Variants in GPC3 observed in about 807,000 individuals in gnomAD.
GPC3 encodes the protein glypican-3.
GPC3 carries 3 observed loss-of-function variants against 34.4 expected under a neutral mutation model. The observed-to-expected ratio is 0.09, with a 90% CI of 0.04 to 0.23. The LOEUF (loss-of-function observed/expected upper bound fraction) is 0.23. GPC3 is among the 10% of genes least tolerant of loss of function. GPC3 has a pLI of 1.00. For synonymous variants in GPC3, 177 were observed against 174.0 expected (o/e 1.02, Z -0.13); for missense variants, 351 against 445.6 (o/e 0.79, Z 1.91).
At chrX:133,716,661 G>A (rs1268189094) in intron 3 of GPC3, among the ~76,000 whole-genome samples, 1 of 111,641 alleles carries the variant, frequency 9.0e-6, no homozygotes. Flanking sequence ...TAAGGAAAAT[G>A]AGTAGCACCT....
At chrX:133,635,230 T>C (rs1014843725) in intron 6 of GPC3, among the ~76,000 whole-genome samples, 64 of 111,688 alleles carry the variant, frequency 5.7e-4, no homozygotes, top group Non-Finnish European at 1.5e-4. Flanking sequence ...GTATACTAAC[T>C]CTTTTACCTA....
At chrX:133,809,248 T>C (rs758611766) in intron 2 of GPC3, among the ~76,000 whole-genome samples, 1 of 112,405 alleles carries the variant, frequency 8.9e-6, no homozygotes, top group Non-Finnish European at 1.9e-5. Context: ...TTCTAGGAAG[T>C]TCACTTACAA....
intron 2 of GPC3, among the ~76,000 whole-genome samples, chrX:133,906,794 G>A (rs1322285130): frequency 8.9e-6 from 1 of 112,000 alleles, no homozygotes; most frequent in East Asian, 2.8e-4. Context: ...ATTTTTAAAA[G>A]TTGGCCGGGC....
chrX:133,796,384 A>C lies in GPC3; in HGVS notation c.338-42208T>G, dbSNP rs775865642. On this transcript the variant is annotated intron_variant, in intron 2 of 7. Coordinates refer to ENST00000370818, the MANE Select transcript of GPC3 (RefSeq NM_004484.4). ...TTTCTACCATGTATGACAAATCCCT[A>C]AATGTGCCTGAAGAGAAATGTACTG... Among the ~76,000 whole-genome samples the C allele has an allele frequency of 2.7e-5, 3 of 112,575 alleles. No individual in the cohort carries two copies. In the South Asian group the frequency reaches 1.1e-3, roughly 42 times the overall value.
chrX:133,873,394 A>G (rs1194777952), intron 2 of GPC3, among the ~76,000 whole-genome samples: 3 of 112,155 alleles, frequency 2.7e-5, no homozygotes, highest in African/African-American at 9.7e-5. Context: ...CCCAATATAT[A>G]TATTCCACAT....
intron 2 of GPC3, among the ~76,000 whole-genome samples, chrX:133,861,812 C>T (rs2075937870): frequency 9.0e-6 from 1 of 111,336 alleles, no homozygotes; most frequent in Non-Finnish European, 1.9e-5. Context: ...CTTCACCTTC[C>T]ACCATGACTG....
At chrX:133,552,046 A>T (rs1321221917) in intron 7 of GPC3, among the ~76,000 whole-genome samples, 1 of 112,947 alleles carries the variant, frequency 8.9e-6, no homozygotes, top group Non-Finnish European at 1.9e-5. Flanking sequence ...GACTTGAAAG[A>T]TAAAGAACTT....
chrX:133,965,903 G>T (rs1359324204), intron 1 of GPC3, among the ~76,000 whole-genome samples: 1 of 111,095 alleles, frequency 9.0e-6, no homozygotes, highest in Non-Finnish European at 1.9e-5. Context: ...GTAGGGGGGA[G>T]AGAGGCAACC....
intron 6 of GPC3, among the ~76,000 whole-genome samples, chrX:133,657,936 G>GAGGA (rs59330472): frequency 9.4e-6 from 1 of 105,962 alleles, no homozygotes; most frequent in Non-Finnish European, 1.9e-5. Flanking sequence ...GAGAGAGAGA[G>GAGGA]GAGAAGTATT....
At chrX:133,917,094 C>T (rs1225748922) in intron 2 of GPC3, among the ~76,000 whole-genome samples, 2 of 111,732 alleles carry the variant, frequency 1.8e-5, no homozygotes, top group African/African-American at 6.5e-5. Flanking sequence ...TTAAATGAGA[C>T]AGTGCAGGTG....
intron 2 of GPC3, among the ~76,000 whole-genome samples, chrX:133,765,478 G>A (rs888482066): frequency 1.8e-5 from 2 of 111,852 alleles, no homozygotes; most frequent in East Asian, 5.6e-4. Flanking sequence ...TTCTGGTAGT[G>A]CCTTTATCTA....
At chrX:133,871,807 C>T (rs2075994971) in intron 2 of GPC3, among the ~76,000 whole-genome samples, 1 of 111,890 alleles carries the variant, frequency 8.9e-6, no homozygotes, top group Non-Finnish European at 1.9e-5. Flanking sequence ...GAAAATGGTG[C>T]CAACACATTT....
rs371396859 is a variant in GPC3 at position 133,953,251 on chromosome X, C to G, written c.176-40G>C. The G allele has an allele frequency of 4.1e-5, 46 of 1,126,908 alleles. No homozygotes were observed. In the African/African-American group the frequency reaches 6.1e-4, roughly 15 times the overall value. 92.9% of individuals were successfully genotyped at this position (1,126,908 alleles called of 1,213,427 possible). On this transcript the variant is annotated intron_variant, in intron 1 of 7. Coordinates refer to ENST00000370818, the MANE Select transcript of GPC3 (RefSeq NM_004484.4). ...GTTTTCATGTTTCAGTAAGCAGGATCTCTCTCTCACACACCCACACCCACA... is the reference window on the plus strand; with the variant it reads ...GTTTTCATGTTTCAGTAAGCAGGATGTCTCTCTCACACACCCACACCCACA...
At chrX:133,735,100 A>C (rs2124466166) in intron 3 of GPC3, among the ~76,000 whole-genome samples, 1 of 111,817 alleles carries the variant, frequency 8.9e-6, no homozygotes, top group African/African-American at 3.2e-5. Context: ...TCTTTGCATA[A>C]ATTGACAAGT....
At chrX:133,749,542 G>A (rs1301989152) in intron 3 of GPC3, among the ~76,000 whole-genome samples, 3 of 111,132 alleles carry the variant, frequency 2.7e-5, no homozygotes, top group Non-Finnish European at 1.9e-5. Context: ...TTAAAAAAAC[G>A]AACAGTACCA....
At chrX:133,672,803 ACCATGC>A (rs1313337460) in intron 5 of GPC3, among the ~76,000 whole-genome samples, 4 of 109,080 alleles carry the variant, frequency 3.7e-5, no homozygotes, top group African/African-American at 1.3e-4. Flanking sequence ...GGCGCCCGCC[ACCATGC>A]CTGGCTAATT....
At chrX:133,830,678 C>CAAAAAAAAA (rs1174232524) in intron 2 of GPC3, among the ~76,000 whole-genome samples, 2 of 13,435 alleles carry the variant, frequency 1.5e-4, no homozygotes, top group Non-Finnish European at 2.4e-4. Flanking sequence ...GACTCCATCT[C>CAAAAAAAAA]AAAAAAAAAA....
intron 3 of GPC3, among the ~76,000 whole-genome samples, chrX:133,709,673 T>G (rs1224395626): frequency 2.7e-5 from 3 of 111,965 alleles, no homozygotes; most frequent in Non-Finnish European, 5.6e-5. Flanking sequence ...TTATTACTGA[T>G]TTAAATCTGC....
chrX:133,635,831 T>TAA (rs59085251), intron 6 of GPC3, among the ~76,000 whole-genome samples: 3 of 93,153 alleles, frequency 3.2e-5, no homozygotes, highest in Admixed American at 1.2e-4. Context: ...TGTGTGTACA[T>TAA]AAAAAAAAAA....
Sources: allele counts gnomAD v4.1 joint callset (sites outside exome capture counted in the v4.1 genomes callset), GRCh38; gene constraint gnomAD v4.1.1; transcripts MANE v1.5; gene names NCBI Gene and HGNC (gene_info 2026-07-23, HGNC 2026-07-21).